The following PADI1 variants were observed in gnomAD, a reference collection of about 807,000 sequenced individuals.
The protein encoded by PADI1 is protein-arginine deiminase type-1.
A neutral mutation model predicts 74.8 loss-of-function variants in PADI1; 65 were observed. The ratio of observed to expected loss-of-function variants is 0.87; its 90% CI spans 0.71 to 1.07. PADI1 has a LOEUF of 1.07. PADI1 is among the 50% of genes least tolerant of loss of function. The pLI, the probability that PADI1 is intolerant of heterozygous loss-of-function variation, is 0.00. For synonymous variants in PADI1, 371 were observed against 336.2 expected, an observed-to-expected ratio of 1.10 and a Z score of -1.13; for missense variants, 943 against 854.0, an observed-to-expected ratio of 1.10 and a Z score of -1.30.
At chr1:17,225,985 G>C in intron 5 of PADI1, 48 bp from the exon 6 acceptor site, 1 of 1,611,844 alleles carries the variant, frequency 6.2e-7, no homozygotes, top group South Asian at 1.1e-5. Context: ...AGTGGATCCT[G>C]TTGGTGGGGT....
In PADI1 at chr1:17,226,082, G is replaced by A. The variant is rs765694433; in HGVS notation, c.576G>A (p.Lys192=). The change falls in exon 6 of 16, where the codon AAG becomes AAA. Residue 192 remains lysine (K), a synonymous_variant. Coordinates refer to ENST00000375471, the MANE Select transcript of PADI1 (RefSeq NM_013358.3). ...PMLLSCNGPD[K]LFDSHKLVLN... ...TGCTGAGCTGCAATGGCCCCGACAA[G>A]CTCTTCGACAGCCACAAGCTTGTCT... 4 of 1,614,190 alleles carry A rather than the reference G, an allele frequency of 2.5e-6. No individual in the cohort carries two copies. Among genetic ancestry groups the A allele is most frequent in the Non-Finnish European group, 3.4e-6 (4 of 1,180,034 alleles).
intron 15 of PADI1, among the ~76,000 whole-genome samples, chr1:17,242,349 T>C (rs2100535276): frequency 6.6e-6 from 1 of 152,336 alleles, no homozygotes; most frequent in Admixed American, 6.5e-5. Context: ...CAGTAGCCAC[T>C]CAGCTACCAC....
At chr1:17,219,609 G>A (rs750608580) in intron 1 of PADI1, among the ~76,000 whole-genome samples, 3 of 152,106 alleles carry the variant, frequency 2.0e-5, no homozygotes, top group South Asian at 2.1e-4. Context: ...AACTGGTGAC[G>A]GCAGCCGGCT....
intron 1 of PADI1, among the ~76,000 whole-genome samples, chr1:17,218,344 C>T (rs1271548076): frequency 6.6e-6 from 1 of 151,988 alleles, no homozygotes; most frequent in African/African-American, 2.4e-5. Flanking sequence ...CATATATATG[C>T]ATAAGAACCC....
intron 10 of PADI1, among the ~76,000 whole-genome samples, chr1:17,232,289 A>G (rs1569827761): frequency 6.6e-6 from 1 of 152,152 alleles, no homozygotes; most frequent in African/African-American, 2.4e-5. Context: ...CACCCAGACT[A>G]GAGTGCAGTG....
At chr1:17,208,826 C>T (rs1364004282) in intron 1 of PADI1, among the ~76,000 whole-genome samples, 1 of 152,204 alleles carries the variant, frequency 6.6e-6, no homozygotes, top group East Asian at 1.9e-4. Context: ...TGTGGCCCTC[C>T]TTGACTGCCC....
In PADI1 at chr1:17,237,985, G is replaced by T. The variant is rs557947406; in HGVS notation, c.1458+527G>T. On this transcript the variant is annotated intron_variant, in intron 12 of 15. Transcript: ENST00000375471. ...GGCTTCCCAGTGACCAGTGGTTACAGCTCTGCTAGGGACAGCTCTGACAGT... is the reference window on the plus strand; with the variant it reads ...GGCTTCCCAGTGACCAGTGGTTACATCTCTGCTAGGGACAGCTCTGACAGT... Among the ~76,000 whole-genome samples, 7 of 152,316 alleles carry T rather than the reference G, an allele frequency of 4.6e-5. No individual in the cohort carries two copies. In the East Asian group the frequency reaches 1.4e-3, roughly 29 times the overall value.
At chr1:17,206,825 G>A (rs1344240239) in intron 1 of PADI1, among the ~76,000 whole-genome samples, 1 of 151,818 alleles carries the variant, frequency 6.6e-6, no homozygotes, top group South Asian at 2.1e-4. Context: ...GGGATAACAG[G>A]AACCCACCAT....
At chr1:17,219,036 C>A (rs1350382493) in intron 1 of PADI1, among the ~76,000 whole-genome samples, 2 of 152,148 alleles carry the variant, frequency 1.3e-5, no homozygotes, top group African/African-American at 4.8e-5. Flanking sequence ...GAGCCTGGAG[C>A]AATGCTGTAG....
intron 15 of PADI1, among the ~76,000 whole-genome samples, chr1:17,241,487 C>T: frequency 1.3e-5 from 2 of 150,570 alleles, no homozygotes; most frequent in South Asian, 2.1e-4. Flanking sequence ...GGGATGGAAT[C>T]AGGGTTGGAA....
chr1:17,222,296 G>T lies in PADI1; in HGVS notation c.99G>T (p.Val33=). The T allele has an allele frequency of 6.2e-7, 1 of 1,613,502 alleles. No individual in the cohort carries two copies. ...CATCTCTCTTCTCTGCCAGTGATGT[G>T]CCCAAGGGTGCCAACAGCTTCAGGG... ...VEAHVDIHSD[V]PKGANSFRVS... is the part of the protein sequence containing the mutation. The change falls in exon 2 of 16, where the codon GTG becomes GTT. Residue 33 remains valine (V), a synonymous_variant. Transcript: ENST00000375471.
chr1:17,234,987 C>T (rs977279777), intron 11 of PADI1, among the ~76,000 whole-genome samples: 1 of 151,948 alleles, frequency 6.6e-6, no homozygotes, highest in Non-Finnish European at 1.5e-5. Flanking sequence ...CCTGATGGTG[C>T]ACGCCCATGG....
In PADI1 at chr1:17,230,097, T is replaced by A; in HGVS notation, c.942T>A (p.Thr314=). 6.2e-7 allele frequency: 1 copy of A among 1,613,958 alleles called. No homozygotes were observed. ...CTACCTTTTACAGAGTGATGGACAC[T>A]CATGGCTCCAATGAGAAATTCCTGG... ...EELYVCRVMD[T]HGSNEKFLED... Residue 314 remains threonine (T), a synonymous_variant, in exon 9 of 16, where the codon ACT becomes ACA. Transcript: ENST00000375471.
rs868816656 is a variant in PADI1 at position 17,235,353 on chromosome 1, G to A, written c.1314-1961G>A. ...GACCATGTTGCAGGCAGAGGGAAGCGCTCAGGCAGAAGCCTGGAAGCCAGA... is the reference window on the plus strand; with the variant it reads ...GACCATGTTGCAGGCAGAGGGAAGCACTCAGGCAGAAGCCTGGAAGCCAGA... On this transcript the variant is annotated intron_variant, in intron 11 of 15. Transcript: ENST00000375471. Among the ~76,000 whole-genome samples, 28 of 149,880 alleles carry A rather than the reference G, an allele frequency of 1.9e-4. 1 individual carries two copies. The highest frequency in any genetic ancestry group is 3.6e-3 in the Middle Eastern group (1 of 278).
rs1569813515 is a variant in PADI1 at position 17,228,791 on chromosome 1, C to G, written c.819C>G (p.Asp273Glu). The G allele has an allele frequency of 6.2e-7, 1 of 1,613,900 alleles. No individual in the cohort carries two copies. The change falls in exon 7 of 16, where the codon GAC becomes GAG. Residue 273 changes from aspartate (D) to glutamate (E), a missense_variant. Asp to Glu is a conservative substitution (Grantham distance 45). Transcript: ENST00000375471. ...GLVSLSVSLV[D>E]PGTLPEVTLF... ...TTTCCCTCAGTGTCAGCCTGGTGGA[C>G]CCGGGGGTGTGTACAGCACTGGGGG... is the stretch of plus-strand genomic sequence containing the variant.
rs141463441 is a variant in PADI1 at position 17,225,792 on chromosome 1, G to C, written c.409-19G>C. On this transcript the variant is annotated intron_variant, in intron 4 of 15. Coordinates refer to ENST00000375471, the MANE Select transcript of PADI1 (RefSeq NM_013358.3). ...CCTCCTGGGTCCCACTGATCCCAAG[G>C]CATCTTATTTTGCCACAGAAAACCT... 8.8e-6 allele frequency: 14 copies of C among 1,598,212 alleles called. No homozygotes were observed. Among genetic ancestry groups the C allele is most frequent in the East Asian group, 4.5e-5 (2 of 44,766 alleles).
intron 1 of PADI1, among the ~76,000 whole-genome samples, chr1:17,215,934 C>A (rs2071966180): frequency 6.6e-6 from 1 of 152,142 alleles, no homozygotes; most frequent in South Asian, 2.1e-4. Context: ...GGTTGGGGAA[C>A]CAGACTCATG....
chr1:17,211,200 T>TATTTTG (rs71014924), intron 1 of PADI1, among the ~76,000 whole-genome samples: 96,779 of 151,334 alleles, frequency 0.64, 32,249 homozygotes, highest in East Asian at 0.89. Context: ...GCAGCCCTGG[T>TATTTTG]TTTTTGTTTT....
At chr1:17,221,500 G>A (rs572731894) in intron 1 of PADI1, among the ~76,000 whole-genome samples, 1 of 151,854 alleles carries the variant, frequency 6.6e-6, no homozygotes, top group South Asian at 2.1e-4. Flanking sequence ...TCAGAGCAGG[G>A]GAAGGGAGAT....
Sources: allele counts gnomAD v4.1 joint callset (sites outside exome capture counted in the v4.1 genomes callset), GRCh38; gene constraint gnomAD v4.1.1; transcripts MANE v1.5; gene names NCBI Gene and HGNC (gene_info 2026-07-23, HGNC 2026-07-21).